Variants in UBAC1 observed in about 807,000 individuals in gnomAD.
The protein encoded by UBAC1 is UBA domain containing 1.
Under a neutral mutation model 45.9 loss-of-function variants are expected in UBAC1, and 27 were observed. The observed-to-expected ratio is 0.59, with a 90% CI of 0.43 to 0.81. The LOEUF (loss-of-function observed/expected upper bound fraction) is 0.81. Ranked by LOEUF, UBAC1 falls within the 30% of genes least tolerant of loss-of-function variation. The pLI is 0.00. For missense variants in UBAC1, 529 were observed against 539.2 expected (o/e 0.98, Z 0.19); for synonymous variants, 227 against 215.5 (o/e 1.05, Z -0.47).
In UBAC1 at chr9:135,939,540, TCAC is replaced by T. The variant is rs1212430115; in HGVS notation, c.963+130_963+132del. The T allele has an allele frequency of 4.0e-6, 3 of 754,762 alleles. No homozygotes were observed. The African/African-American group carries it at 6.6e-5, about 17-fold the overall frequency. The allele number at this position is 754,762 out of a possible 1,614,324, so 46.8% of individuals were successfully genotyped here. On this transcript the variant is annotated intron_variant, in intron 8 of 9. Transcript: ENST00000371756. ...CTCACTCATCACAGCCCCCACTCACTCACCACAGCCCACACTCACCACAGCCCA... is the reference window on the plus strand; with the variant it reads ...CTCACTCATCACAGCCCCCACTCACTCACAGCCCACACTCACCACAGCCCA...
chr9:135,941,705 G>A (rs760049030), intron 7 of UBAC1, among the ~76,000 whole-genome samples: 5 of 143,754 alleles, frequency 3.5e-5, no homozygotes, highest in Non-Finnish European at 6.1e-5. Context: ...TGGGGGCAAA[G>A]ACTTGCTTGT....
chr9:135,953,449 T>C (rs1839430368), intron 3 of UBAC1, among the ~76,000 whole-genome samples: 1 of 152,198 alleles, frequency 6.6e-6, no homozygotes, highest in Non-Finnish European at 1.5e-5. Flanking sequence ...CCTGAGCTGC[T>C]GGGACTACAG....
In UBAC1 at chr9:135,933,055, A is replaced by AC. The variant is rs1839163275; in HGVS notation, c.*344dup. 4.9e-6 allele frequency: 1 copy of AC among 202,954 alleles called. No individual in the cohort carries two copies. Among genetic ancestry groups the AC allele is most frequent in the Non-Finnish European group, 9.7e-6 (1 of 102,908 alleles). 12.6% of individuals were successfully genotyped at this position (202,954 alleles called of 1,614,324 possible). A position where few individuals can be genotyped will look rare whatever the true frequency, so the allele number is the denominator to read the frequency against. Reference sequence around the variant, plus strand: ...TGACATTAACTCTGGGTTGAAACCTACCTCCGTCAAATAACAAGTGGACTC... The same window carrying AC: ...TGACATTAACTCTGGGTTGAAACCTACCCTCCGTCAAATAACAAGTGGACTC... On this transcript the variant is annotated 3_prime_UTR_variant, in exon 10 of 10. Transcript: ENST00000371756.
chr9:135,956,787 C>T (rs1431304863), intron 1 of UBAC1, among the ~76,000 whole-genome samples: 1 of 152,186 alleles, frequency 6.6e-6, no homozygotes, highest in Non-Finnish European at 1.5e-5. Context: ...GGAGAGAAGG[C>T]TGACTATTTT....
At chr9:135,937,885 A>C (rs1015450613) in intron 9 of UBAC1, among the ~76,000 whole-genome samples, 1 of 152,248 alleles carries the variant, frequency 6.6e-6, no homozygotes, top group Non-Finnish European at 1.5e-5. Flanking sequence ...GCAAAAGCCC[A>C]AACCACACCT....
intron 1 of UBAC1, among the ~76,000 whole-genome samples, chr9:135,959,293 C>G (rs1349970786): frequency 6.6e-6 from 1 of 151,638 alleles, no homozygotes; most frequent in Non-Finnish European, 1.5e-5. Flanking sequence ...GGATATAAAC[C>G]GAACCCCTGA....
chr9:135,941,975 T>G (rs1204754686), intron 7 of UBAC1, among the ~76,000 whole-genome samples: 1 of 152,234 alleles, frequency 6.6e-6, no homozygotes, highest in African/African-American at 2.4e-5. Flanking sequence ...CCTCAAGCCT[T>G]GACCACCTTG....
chr9:135,953,667 C>T lies in UBAC1; in HGVS notation c.333+13G>A. ...ACCAACCAAGGTCCCCAATTGCAAA[C>T]TTTGAAATTTACCTTTTCTTCTGCT... On this transcript the variant is annotated intron_variant, in intron 3 of 9. Coordinates refer to ENST00000371756, the MANE Select transcript of UBAC1 (RefSeq NM_016172.3). 1 of 1,608,802 alleles carries T rather than the reference C, an allele frequency of 6.2e-7. No individual in the cohort carries two copies. The highest frequency in any genetic ancestry group is 8.5e-7 in the Non-Finnish European group (1 of 1,176,494).
intron 7 of UBAC1, among the ~76,000 whole-genome samples, chr9:135,943,665 A>G (rs572198064): frequency 1.4e-4 from 21 of 152,364 alleles, no homozygotes; most frequent in African/African-American, 5.1e-4. Context: ...ACGTATGTTC[A>G]CTGCAGCACT....
At chr9:135,944,458 G>C (rs1042406431) in intron 7 of UBAC1, among the ~76,000 whole-genome samples, 1 of 152,214 alleles carries the variant, frequency 6.6e-6, no homozygotes, top group African/African-American at 2.4e-5. Context: ...AAACCTCCAA[G>C]GAGGAAGTAA....
chr9:135,950,831 C>T (rs1023704144), intron 3 of UBAC1, among the ~76,000 whole-genome samples: 1 of 152,176 alleles, frequency 6.6e-6, no homozygotes, highest in Admixed American at 6.5e-5. Flanking sequence ...TGGTGGTTCA[C>T]GCCTGTAATC....
intron 8 of UBAC1, among the ~76,000 whole-genome samples, chr9:135,939,027 G>A (rs1281169651): frequency 6.6e-6 from 1 of 152,100 alleles, no homozygotes; most frequent in Non-Finnish European, 1.5e-5. Flanking sequence ...GGGCAACAAA[G>A]GGAGATCTTG....
intron 9 of UBAC1, among the ~76,000 whole-genome samples, chr9:135,934,849 T>C (rs1435297176): frequency 6.6e-6 from 1 of 152,168 alleles, no homozygotes; most frequent in Non-Finnish European, 1.5e-5. Context: ...ACCACACAGA[T>C]GATTATTTAT....
In UBAC1 at chr9:135,953,770, G is replaced by A. The variant is rs374340521; in HGVS notation, c.260-17C>T. On this transcript the variant is annotated splice_polypyrimidine_tract_variant and intron_variant, in intron 2 of 9. Coordinates refer to ENST00000371756, the MANE Select transcript of UBAC1 (RefSeq NM_016172.3). ...ATAGGACATCTAGAAAAAACAACACGTATATCCAACACACTGGTTATCACT... is the reference window on the plus strand; with the variant it reads ...ATAGGACATCTAGAAAAAACAACACATATATCCAACACACTGGTTATCACT... 2.3e-5 allele frequency: 37 copies of A among 1,609,648 alleles called. No individual in the cohort carries two copies. Among genetic ancestry groups the A allele is most frequent in the South Asian group, 2.2e-4 (20 of 90,912 alleles).
At chr9:135,960,665 C>T (rs1385164628) in intron 1 of UBAC1, among the ~76,000 whole-genome samples, 2 of 152,012 alleles carry the variant, frequency 1.3e-5, no homozygotes, top group African/African-American at 4.8e-5. Context: ...TCGGCGACTT[C>T]ACTCTCCAGG....
At chr9:135,958,287 T>TCTGC (rs775550015) in intron 1 of UBAC1, among the ~76,000 whole-genome samples, 5 of 152,198 alleles carry the variant, frequency 3.3e-5, no homozygotes, top group Non-Finnish European at 7.3e-5. Flanking sequence ...GACCTTGTGA[T>TCTGC]CTGCCTGTCT....
chr9:135,938,475 C>T, intron 8 of UBAC1, 115 bp from the exon 9 acceptor site: 1 of 1,332,494 alleles, frequency 7.5e-7, no homozygotes, highest in Non-Finnish European at 1.0e-6. Context: ...GTTGAGCCCC[C>T]AGGGCTGATC....
intron 3 of UBAC1, among the ~76,000 whole-genome samples, chr9:135,950,085 T>C (rs915552449): frequency 6.6e-6 from 1 of 152,160 alleles, no homozygotes; most frequent in Non-Finnish European, 1.5e-5. Flanking sequence ...AAGCAGAATC[T>C]TCCCCAGCCT....
At position 135,945,959 on chromosome 9, in the gene UBAC1, C is replaced by A; in HGVS notation, c.583G>T (p.Ala195Ser). The stretch of plus-strand genomic sequence containing the variant: ...ATCTCCGTGAGCTGCCGCAGGGCAG[C>A]CTCGTCCACACGCTCATCCTCGTCC... ...DEDEDERVDE[A>S]ALRQLTEMGF... Residue 195 changes from alanine to serine, a missense_variant, in exon 6 of 10, where the codon GCT becomes TCT. Ala to Ser is a moderately conservative substitution (Grantham distance 99). Transcript: ENST00000371756. The A allele has an allele frequency of 1.2e-6, 2 of 1,614,066 alleles. No homozygotes were observed. The highest frequency in any genetic ancestry group is 1.7e-6 in the Non-Finnish European group (2 of 1,180,040).
Sources: gnomAD v4.1 joint callset for allele counts (sites outside exome capture counted in the v4.1 genomes callset) on GRCh38, gnomAD v4.1.1 for gene constraint, MANE v1.5 for transcripts, NCBI Gene and HGNC (gene_info 2026-07-23, HGNC 2026-07-21) for gene names.